The following TGIF1 variants were observed in gnomAD, a reference collection of about 807,000 sequenced individuals.
TGIF1 encodes the protein TGFB induced factor homeobox 1.
Under a neutral mutation model 19.3 loss-of-function variants are expected in TGIF1, and 4 were observed. The observed-to-expected ratio is 0.21, with a 90% CI of 0.10 to 0.47. The LOEUF (loss-of-function observed/expected upper bound fraction) is 0.47. Ranked by LOEUF, TGIF1 falls within the 20% of genes least tolerant of loss-of-function variation. TGIF1 has a pLI of 0.98. For missense variants in TGIF1, 275 were observed against 341.4 expected (o/e 0.81, Z 1.53); for synonymous variants, 122 against 129.3 (o/e 0.94, Z 0.38).
intron 2 of TGIF1, among the ~76,000 whole-genome samples, chr18:3,422,403 C>T (rs1183217637): frequency 2.0e-5 from 3 of 148,384 alleles, no homozygotes; most frequent in African/African-American, 4.9e-5. Context: ...TGTTTTTAGG[C>T]TTAGTGTTGT....
intron 1 of TGIF1, among the ~76,000 whole-genome samples, chr18:3,413,956 A>G (rs1169973459): frequency 6.6e-6 from 1 of 152,230 alleles, no homozygotes; most frequent in African/African-American, 2.4e-5. Context: ...AATCTTCACA[A>G]TAATCCTATA....
intron 2 of TGIF1, among the ~76,000 whole-genome samples, chr18:3,433,599 C>A (rs2082578825): frequency 6.6e-6 from 1 of 152,084 alleles, no homozygotes; most frequent in Non-Finnish European, 1.5e-5. Context: ...TTAGAATGAA[C>A]TAGAATACAG....
intron 2 of TGIF1, among the ~76,000 whole-genome samples, chr18:3,445,086 G>C (rs923386830): frequency 6.6e-6 from 1 of 152,182 alleles, no homozygotes; most frequent in African/African-American, 2.4e-5. Context: ...AAGAAAGAAT[G>C]ATCCAGCCCC....
chr18:3,448,346 A>G (rs2082787011), upstream of TGIF1: 1 of 985,218 alleles, frequency 1.0e-6, no homozygotes, highest in South Asian at 4.7e-5. Context: ...TTCAAACGAA[A>G]TAGCGAGGCG....
At position 3,420,834 on chromosome 18, in the gene TGIF1, T is replaced by C. The variant is rs73938485; in HGVS notation, c.-45+2619T>C. Reference sequence around the variant, plus strand: ...TTTATGTATTTTGACTGCTTTTTGCTGCTTTTAGCCAAGTTCTGTAAGACT... The same window carrying C: ...TTTATGTATTTTGACTGCTTTTTGCCGCTTTTAGCCAAGTTCTGTAAGACT... On this transcript the variant is annotated intron_variant, in intron 2 of 3. Coordinates refer to the TGIF1 transcript ENST00000401449. 3.8e-3 allele frequency among the ~76,000 whole-genome samples: 573 copies of C among 152,372 alleles called. 7 individuals are homozygous for C. The highest frequency in any genetic ancestry group is 0.013 in the African/African-American group (561 of 41,590).
chr18:3,430,694 T>G (rs2082535925), intron 2 of TGIF1, among the ~76,000 whole-genome samples: 1 of 141,832 alleles, frequency 7.1e-6, no homozygotes. Flanking sequence ...TTTTTTTTGG[T>G]AGAGATAGGG....
chr18:3,453,799 G>T (rs1421036690), intron 1 of TGIF1: 1 of 984,948 alleles, frequency 1.0e-6, no homozygotes. Context: ...TATGTGGATA[G>T]CGTGAAAGAA....
chr18:3,434,106 T>G (rs1241649821), intron 2 of TGIF1, among the ~76,000 whole-genome samples: 1 of 152,144 alleles, frequency 6.6e-6, no homozygotes, highest in African/African-American at 2.4e-5. Context: ...ATAATAGCTA[T>G]GGGCCAGGTG....
At position 3,451,007 on chromosome 18, in the gene TGIF1, C is replaced by CCCCCTACT. The variant is rs2082906647; in HGVS notation, c.16+504_16+505insCCTACTCC. Among the ~76,000 whole-genome samples the CCCCCTACT allele has an allele frequency of 7.4e-6, 1 of 135,880 alleles. No individual in the cohort carries two copies. Among genetic ancestry groups the CCCCCTACT allele is most frequent in the Non-Finnish European group, 1.5e-5 (1 of 65,488 alleles). The allele number at this position is 135,880 out of a possible 152,430, so 89.1% of individuals were successfully genotyped here. A position where few individuals can be genotyped will look rare whatever the true frequency, so the allele number is the denominator to read the frequency against. ...CGCCGCCCCCCTACTCCCAGCCGGG[C>CCCCCTACT]CCTAGCACTGTTCTTTAGGGATGTG... On this transcript the variant is annotated intron_variant, in intron 1 of 2. Coordinates refer to ENST00000343820, the MANE Select transcript of TGIF1 (RefSeq NM_003244.4). The surrounding 1 kb of genome is among the most constrained non-coding windows in gnomAD (Gnocchi z 5.4).
upstream of TGIF1, chr18:3,449,673 AAT>A: frequency 1.0e-6 from 1 of 985,188 alleles, no homozygotes; most frequent in Non-Finnish European, 1.2e-6. Context: ...TCTTGTCTCG[AAT>A]ACTTTTCCTC....
At chr18:3,429,175 G>T (rs2082514704) in intron 2 of TGIF1, among the ~76,000 whole-genome samples, 1 of 152,104 alleles carries the variant, frequency 6.6e-6, no homozygotes, top group Non-Finnish European at 1.5e-5. Flanking sequence ...TTGTGCCTCA[G>T]CCTCCTGAGT....
intron 2 of TGIF1, chr18:3,418,707 A>G (rs2082363442): frequency 1.3e-5 from 2 of 152,188 alleles, no homozygotes; most frequent in Admixed American, 1.3e-4. Context: ...GGAAAGGATT[A>G]TTACTAAAGA....
At chr18:3,453,182 C>G (rs114806337) in intron 1 of TGIF1, among the ~76,000 whole-genome samples, 67 of 152,266 alleles carry the variant, frequency 4.4e-4, no homozygotes, top group African/African-American at 1.4e-3. Flanking sequence ...AAGAAATCCT[C>G]TCGCCTTGGC....
rs1040437550 is a variant in TGIF1, at chr18:3,426,438, G to A, written c.-45+8223G>A. Among the ~76,000 whole-genome samples the A allele has an allele frequency of 1.3e-5, 2 of 152,094 alleles. 1 individual carries two copies. Among genetic ancestry groups the A allele is most frequent in the South Asian group, 4.1e-4 (2 of 4,822 alleles). On this transcript the variant is annotated intron_variant, in intron 2 of 3. Transcript: ENST00000401449. ...CCTGCCTCTGCCTCCCAAAGTGCTG[G>A]CATTACAGGCATGAGTCACTGCCCC...
intron 2 of TGIF1, among the ~76,000 whole-genome samples, chr18:3,429,814 T>A (rs560762305): frequency 3.9e-5 from 6 of 152,328 alleles, no homozygotes; most frequent in Admixed American, 3.3e-4. Context: ...TGAGAAACAA[T>A]CACTATTGTG....
chr18:3,417,168 TG>T, intron 1 of TGIF1, among the ~76,000 whole-genome samples: 1 of 152,242 alleles, frequency 6.6e-6, no homozygotes, highest in East Asian at 1.9e-4. Flanking sequence ...GTTCGTTGTT[TG>T]TTTGTTTTGA....
chr18:3,452,267 G>A (rs1461415263), intron 1 of TGIF1: 2 of 1,609,576 alleles, frequency 1.2e-6, no homozygotes, highest in Admixed American at 3.4e-5. Flanking sequence ...CCCTCTCCCC[G>A]GAGCTGGGGA....
In TGIF1 at chr18:3,457,539, C is replaced by T; in HGVS notation, c.418C>T (p.Pro140Ser). ...CTTCATGCCAGCTCTAGAGGAGACC[C>T]CATTTCATTCCTGTACAGCTGGGCC... ...KNFMPALEET[P>S]FHSCTAGPNP... The change falls in exon 3 of 3, where the codon CCA becomes TCA. Residue 140 changes from proline to serine, a missense_variant. Transcript: ENST00000343820. This position sits in a 1 kb window ranked among gnomAD's most constrained non-coding sequence, Gnocchi z 4.9. 1 of 1,614,198 alleles carries T rather than the reference C, an allele frequency of 6.2e-7. No homozygotes were observed. Among genetic ancestry groups the T allele is most frequent in the South Asian group, 1.1e-5 (1 of 91,088 alleles).
intron 2 of TGIF1, among the ~76,000 whole-genome samples, chr18:3,442,456 A>G (rs185100387): frequency 1.3e-5 from 2 of 152,184 alleles, no homozygotes; most frequent in East Asian, 3.8e-4. Flanking sequence ...CATTTATAAT[A>G]TTAGTTCACT....
Sources: gnomAD v4.1 joint callset for allele counts (sites outside exome capture counted in the v4.1 genomes callset) on GRCh38, gnomAD v4.1.1 for gene constraint, Gnocchi (gnomAD v3.1) non-coding constraint, MANE v1.5 for transcripts, NCBI Gene and HGNC (gene_info 2026-07-23, HGNC 2026-07-21) for gene names.